The following ATP11C variants were observed in gnomAD, a reference collection of about 807,000 sequenced individuals.
ATP11C encodes ATPase phospholipid transporting 11C (ATP11C blood group), also known as phospholipid-transporting ATPase IG.
ATP11C carries 36 observed loss-of-function variants against 97.4 expected under a neutral mutation model. The observed-to-expected ratio is 0.37, with a 90% CI of 0.28 to 0.49. ATP11C has a LOEUF of 0.49. ATP11C is among the 20% of genes least tolerant of loss of function. The probability of loss-of-function intolerance (pLI) is 0.98; values close to 1 mark genes in which losing one functional copy is unlikely to be tolerated. For synonymous variants in ATP11C, 275 were observed against 290.9 expected (o/e 0.95, Z 0.56); for missense variants, 730 against 824.6 (o/e 0.89, Z 1.40).
intron 19 of ATP11C, 57 bp downstream of exon 19, chrX:139,774,632 AG>A: frequency 3.9e-6 from 4 of 1,029,872 alleles, no homozygotes; most frequent in Non-Finnish European, 5.3e-6. Context: ...TTGTATATGC[AG>A]CTGTGATTTA....
upstream of ATP11C, chrX:139,933,176 C>T (rs1473595779): frequency 9.0e-6 from 1 of 110,562 alleles, no homozygotes; most frequent in Non-Finnish European, 1.9e-5. Flanking sequence ...TCCAACCGTC[C>T]CCCTACTTCG....
chrX:139,913,138 T>C (rs917433619), intron 1 of ATP11C, among the ~76,000 whole-genome samples: 2 of 111,621 alleles, frequency 1.8e-5, no homozygotes, highest in Non-Finnish European at 3.8e-5. Context: ...CTATCTAACA[T>C]TCTGCAACTA....
intron 1 of ATP11C, among the ~76,000 whole-genome samples, chrX:139,896,546 T>TACACACAC (rs61153084): frequency 1.3e-4 from 10 of 79,809 alleles, no homozygotes; most frequent in East Asian, 4.4e-4. Context: ...GTTAATTTTA[T>TACACACAC]ACACACACAC....
intron 1 of ATP11C, among the ~76,000 whole-genome samples, chrX:139,854,625 A>C (rs1034785530): frequency 4.4e-5 from 5 of 112,457 alleles, no homozygotes; most frequent in African/African-American, 1.6e-4. Flanking sequence ...GTCTTATAAA[A>C]AGGAATTTAT....
intron 19 of ATP11C, 59 bp from the exon 20 acceptor site, chrX:139,768,493 G>C: frequency 1.1e-6 from 1 of 920,209 alleles, no homozygotes; most frequent in Non-Finnish European, 1.4e-6. Context: ...TTAGGATCCA[G>C]ATTTTTTTTT....
chrX:139,859,639 A>T (rs1303807613), intron 1 of ATP11C, among the ~76,000 whole-genome samples: 1 of 112,250 alleles, frequency 8.9e-6, no homozygotes, highest in African/African-American at 3.2e-5. Flanking sequence ...TCACGTAAAC[A>T]GTAAAAAAGA....
chrX:139,862,934 T>C lies in ATP11C; in HGVS notation c.28-36111A>G, dbSNP rs182497126. Among the ~76,000 whole-genome samples, 113 of 111,566 alleles carry C rather than the reference T, an allele frequency of 1.0e-3. 1 individual carries two copies. The highest frequency in any genetic ancestry group is 1.1e-3 in the Non-Finnish European group (59 of 53,107). ...AACTGCTCTAGCATCTGTTTCTGCA[T>C]TAAACAGTTACAACAAAAACTAATA... On this transcript the variant is annotated intron_variant, in intron 1 of 29. Transcript: ENST00000682941.
chrX:139,798,951 G>C (rs1354133987), intron 8 of ATP11C, among the ~76,000 whole-genome samples: 1 of 110,779 alleles, frequency 9.0e-6, no homozygotes, highest in Non-Finnish European at 1.9e-5. Flanking sequence ...GCACAGTACG[G>C]GAGTAGCCAG....
chrX:139,799,092 G>C (rs1459969502), intron 8 of ATP11C, among the ~76,000 whole-genome samples: 1 of 111,567 alleles, frequency 9.0e-6, no homozygotes, highest in Non-Finnish European at 1.9e-5. Flanking sequence ...AAAAGACAGG[G>C]AATGCAAACG....
At chrX:139,891,233 G>T (rs2084725576) in intron 1 of ATP11C, among the ~76,000 whole-genome samples, 1 of 106,263 alleles carries the variant, frequency 9.4e-6, no homozygotes. Context: ...GGAAGATGAG[G>T]AGTTTCCTGT....
At chrX:139,858,819 T>C (rs535410362) in intron 1 of ATP11C, among the ~76,000 whole-genome samples, 4 of 112,091 alleles carry the variant, frequency 3.6e-5, no homozygotes, top group African/African-American at 1.3e-4. Context: ...ATAAAACAGC[T>C]TTATTAATAA....
intron 1 of ATP11C, among the ~76,000 whole-genome samples, chrX:139,828,542 G>A (rs1050545883): frequency 1.1e-4 from 12 of 111,653 alleles, no homozygotes; most frequent in Admixed American, 3.8e-4. Context: ...CAACAGACCT[G>A]ACTCTTATAA....
chrX:139,898,464 G>A (rs749579927), intron 1 of ATP11C, among the ~76,000 whole-genome samples: 1 of 111,544 alleles, frequency 9.0e-6, no homozygotes, highest in African/African-American at 3.3e-5. Context: ...CTACCCAAAT[G>A]TTTTCATAAA....
At chrX:139,761,436 G>A (rs2082036647) in intron 22 of ATP11C, among the ~76,000 whole-genome samples, 1 of 111,617 alleles carries the variant, frequency 9.0e-6, no homozygotes, top group Admixed American at 9.5e-5. Context: ...TGTTACCACT[G>A]GTTCTCTTGG....
At chrX:139,876,408 G>C in intron 1 of ATP11C, among the ~76,000 whole-genome samples, 1 of 112,109 alleles carries the variant, frequency 8.9e-6, no homozygotes, top group Middle Eastern at 4.6e-3. Context: ...CAGAAAGTGC[G>C]GCTGAAATCC....
chrX:139,783,667 G>A lies in ATP11C; in HGVS notation c.1667-400C>T, dbSNP rs748781061. ...GTGGGAGGATCACTTAAGCTCAGGA[G>A]TTCAAGACCAGCCTGGGCAACACAG... On this transcript the variant is annotated intron_variant, in intron 16 of 29. Coordinates refer to ENST00000682941, the MANE Select transcript of ATP11C (RefSeq NM_001353812.2). Among the ~76,000 whole-genome samples the A allele has an allele frequency of 1.5e-4, 17 of 111,212 alleles. No individual in the cohort carries two copies. The South Asian group carries it at 6.5e-3, about 43-fold the overall frequency.
intron 2 of ATP11C, among the ~76,000 whole-genome samples, chrX:139,822,310 C>A (rs1171736823): frequency 2.7e-5 from 3 of 112,566 alleles, no homozygotes; most frequent in African/African-American, 6.4e-5. Context: ...AATCCGCCCG[C>A]CTCAGCCTCC....
intron 1 of ATP11C, among the ~76,000 whole-genome samples, chrX:139,930,968 G>A (rs1292573518): frequency 8.9e-6 from 1 of 112,366 alleles, no homozygotes; most frequent in Non-Finnish European, 1.9e-5. Context: ...AAGGCAGGTA[G>A]AGGAAAGCAC....
chrX:139,768,374 T>C lies in ATP11C; in HGVS notation c.2277A>G (p.Ile759Met). 1.7e-6 allele frequency: 2 copies of C among 1,171,607 alleles called. No homozygotes were observed. The highest frequency in any genetic ancestry group is 1.1e-6 in the Non-Finnish European group (1 of 873,248). The change falls in exon 20 of 30, where the codon ATA becomes ATG. Residue 759 changes from isoleucine (I) to methionine (M), a missense_variant. Transcript: ENST00000682941. ...LIIDGSTLSL[I>M]LNSSQDSSSN... The stretch of plus-strand genomic sequence containing the variant: ...AACTAGAGTCTTGACTAGAATTTAG[T>C]ATGAGTGACAATGTGGAGCCATCTA...
Sources: gnomAD v4.1 joint callset for allele counts (sites outside exome capture counted in the v4.1 genomes callset) on GRCh38, gnomAD v4.1.1 for gene constraint, MANE v1.5 for transcripts, NCBI Gene and HGNC (gene_info 2026-07-23, HGNC 2026-07-21) for gene names.